The following PSMB2 variants were observed in gnomAD, a reference collection of about 807,000 sequenced individuals.
PSMB2 encodes the protein proteasome 20S subunit beta 2, also known as proteasome subunit beta type-2.
Under a neutral mutation model 25.7 loss-of-function variants are expected in PSMB2, and 13 were observed. The observed-to-expected ratio is 0.51, with a 90% confidence interval of 0.33 to 0.80. PSMB2 has a LOEUF of 0.80. Among genes scored for constraint, PSMB2 ranks in the 30% least tolerant of loss-of-function variants. PSMB2 has a pLI of 0.02. For synonymous variants in PSMB2, 87 were observed against 96.2 expected (o/e 0.90, Z 0.56); for missense variants, 202 against 259.0 (o/e 0.78, Z 1.51).
intron 3 of PSMB2, among the ~76,000 whole-genome samples, chr1:35,618,464 G>A (rs546739232): frequency 1.3e-5 from 2 of 151,320 alleles, no homozygotes; most frequent in Admixed American, 6.6e-5. Flanking sequence ...TAAAGAAAAT[G>A]ATTACAACGG....
intron 5 of PSMB2, among the ~76,000 whole-genome samples, chr1:35,604,135 T>C (rs975190317): frequency 6.6e-6 from 1 of 152,034 alleles, no homozygotes; most frequent in Non-Finnish European, 1.5e-5. Context: ...GCTCTTATCT[T>C]CCTACTCTCT....
intron 3 of PSMB2, 89 bp from the exon 4 acceptor site, chr1:35,609,497 G>T: frequency 8.3e-7 from 1 of 1,205,670 alleles, no homozygotes; most frequent in Non-Finnish European, 1.1e-6. Context: ...GACTCTTCAT[G>T]AGAAAGAAAA....
intron 3 of PSMB2, among the ~76,000 whole-genome samples, chr1:35,610,093 G>A (rs1436490537): frequency 1.3e-5 from 2 of 152,146 alleles, no homozygotes; most frequent in African/African-American, 4.8e-5. Context: ...AACAAACTCA[G>A]TCTGGGCATC....
At chr1:35,619,876 T>C (rs960237) in intron 3 of PSMB2, among the ~76,000 whole-genome samples, 1,897 of 152,236 alleles carry the variant, frequency 0.012, 19 homozygotes, top group Admixed American at 0.023. Flanking sequence ...AAATACTGCT[T>C]CCCCCCAAAT....
At chr1:35,618,539 G>A (rs533915957) in intron 3 of PSMB2, among the ~76,000 whole-genome samples, 4 of 151,886 alleles carry the variant, frequency 2.6e-5, no homozygotes, top group Non-Finnish European at 5.9e-5. Context: ...GTGGTGGGGG[G>A]TGGGGGAGCA....
rs1650022246 is a variant in PSMB2, at chr1:35,602,190, G to A, written c.*1077C>T. On this transcript the variant is annotated 3_prime_UTR_variant, in exon 6 of 6. Coordinates refer to ENST00000373237, the MANE Select transcript of PSMB2 (RefSeq NM_002794.5). ...TATGAAAAACACAAAAACTAGCTGG[G>A]CATTGGTGGTGTGCGCCTGTAATCC... The A allele has an allele frequency of 6.5e-6, 1 of 152,772 alleles. No individual in the cohort carries two copies. Among genetic ancestry groups the A allele is most frequent in the Non-Finnish European group, 1.5e-5 (1 of 68,624 alleles). 9.5% of individuals were successfully genotyped at this position (152,772 alleles called of 1,614,324 possible). A position where few individuals can be genotyped will look rare whatever the true frequency, so the allele number is the denominator to read the frequency against.
At position 35,601,924 on chromosome 1, in the gene PSMB2, C is replaced by T; in HGVS notation, c.*1343G>A. ...AGTAACTGGTTAACTGCCCATGATA[C>T]ATCAATTTAATGGAAAATTATGCAA... On this transcript the variant is annotated 3_prime_UTR_variant, in exon 6 of 6. Transcript: ENST00000373237. 1 of 984,278 alleles carries T rather than the reference C, an allele frequency of 1.0e-6. No individual in the cohort carries two copies. The highest frequency in any genetic ancestry group is 1.7e-5 in the African/African-American group (1 of 57,312). The allele number at this position is 984,278 out of a possible 1,614,324, so 61.0% of individuals were successfully genotyped here. A position where few individuals can be genotyped will look rare whatever the true frequency, so the allele number is the denominator to read the frequency against.
chr1:35,638,998 A>C (rs1003346558), intron 1 of PSMB2, among the ~76,000 whole-genome samples: 1 of 152,194 alleles, frequency 6.6e-6, no homozygotes, highest in African/African-American at 2.4e-5. Flanking sequence ...TCACGCCTGT[A>C]ATCCCAGCAC....
intron 3 of PSMB2, among the ~76,000 whole-genome samples, chr1:35,618,147 A>G (rs1355574858): frequency 6.6e-6 from 1 of 152,178 alleles, no homozygotes; most frequent in East Asian, 1.9e-4. Flanking sequence ...ACTAAGGAAA[A>G]AGTAGAGGGG....
chr1:35,613,177 T>C (rs1443128637), intron 3 of PSMB2, among the ~76,000 whole-genome samples: 1 of 152,224 alleles, frequency 6.6e-6, no homozygotes, highest in Non-Finnish European at 1.5e-5. Context: ...TTATCTAGAC[T>C]AATTAAATCA....
chr1:35,623,052 G>A (rs2148571150), intron 3 of PSMB2, among the ~76,000 whole-genome samples: 1 of 152,266 alleles, frequency 6.6e-6, no homozygotes, highest in South Asian at 2.1e-4. Context: ...ACAAAGTGTT[G>A]TCATATTAAT....
At chr1:35,636,248 G>A in intron 2 of PSMB2, 62 bp downstream of exon 2, 1 of 1,593,588 alleles carries the variant, frequency 6.3e-7, no homozygotes, top group South Asian at 1.1e-5. Context: ...CCCAGTCTGT[G>A]ACTTTAGTAA....
chr1:35,636,190 T>G, intron 2 of PSMB2, 120 bp downstream of exon 2: 1 of 1,291,792 alleles, frequency 7.7e-7, no homozygotes, highest in Non-Finnish European at 1.1e-6. Flanking sequence ...AATCTTTGAC[T>G]TCTAACATCT....
Position 35,640,392 on chromosome 1 carries a change from G to A in PSMB2, c.91+950C>T, listed in dbSNP as rs540938823. Among the ~76,000 whole-genome samples, 59 of 152,228 alleles carry A rather than the reference G, an allele frequency of 3.9e-4. 1 individual carries two copies. The South Asian group carries it at 0.011, about 27-fold the overall frequency. On this transcript the variant is annotated intron_variant, in intron 1 of 5. Coordinates refer to ENST00000373237, the MANE Select transcript of PSMB2 (RefSeq NM_002794.5). ...TAATCTTAAAGATGAGGAAATCTGGGCACTGCAAAATAACTTATACAAACT... is the reference window on the plus strand; with the variant it reads ...TAATCTTAAAGATGAGGAAATCTGGACACTGCAAAATAACTTATACAAACT...
intron 3 of PSMB2, among the ~76,000 whole-genome samples, chr1:35,629,240 T>G (rs1651011438): frequency 6.6e-6 from 1 of 152,224 alleles, no homozygotes; most frequent in African/African-American, 2.4e-5. Context: ...TATCTCCATT[T>G]CATAGATAAG....
intron 3 of PSMB2, among the ~76,000 whole-genome samples, chr1:35,613,377 GAA>G (rs749433885): frequency 2.1e-5 from 3 of 140,014 alleles, no homozygotes; most frequent in African/African-American, 2.6e-5. Flanking sequence ...GTCTCTATGG[GAA>G]AAAAAAAAAA....
At chr1:35,622,511 C>G (rs1302795463) in intron 3 of PSMB2, among the ~76,000 whole-genome samples, 5 of 152,120 alleles carry the variant, frequency 3.3e-5, no homozygotes, top group Non-Finnish European at 5.9e-5. Context: ...CAATATAAAT[C>G]TAGACCAAGT....
intron 3 of PSMB2, among the ~76,000 whole-genome samples, chr1:35,613,616 T>C (rs1466319574): frequency 1.3e-5 from 2 of 152,208 alleles, no homozygotes; most frequent in Non-Finnish European, 2.9e-5. Flanking sequence ...TCTCCATGAA[T>C]GTACATCTAT....
Position 35,602,658 on chromosome 1 carries a change from C to A in PSMB2, c.*609G>T. ...GACTAGGGGTGCGTGCCACCACGCC[C>A]AGCTAATTTTTGTATTTTTAGTAGA... On this transcript the variant is annotated 3_prime_UTR_variant, in exon 6 of 6. Transcript: ENST00000373237. 6.5e-6 allele frequency: 1 copy of A among 154,674 alleles called. No homozygotes were observed. The allele number at this position is 154,674 out of a possible 1,614,324, so 9.6% of individuals were successfully genotyped here.
Sources: gnomAD v4.1 joint callset for allele counts (sites outside exome capture counted in the v4.1 genomes callset) on GRCh38, gnomAD v4.1.1 for gene constraint, MANE v1.5 for transcripts, NCBI Gene and HGNC (gene_info 2026-07-23, HGNC 2026-07-21) for gene names.